The following GHR variants were observed in gnomAD, a reference collection of about 807,000 sequenced individuals.
GHR encodes the protein GH receptor.
GHR carries 35 observed loss-of-function variants against 67.1 expected under a neutral mutation model. The ratio of observed to expected loss-of-function variants is 0.52; its 90% CI spans 0.40 to 0.69. The LOEUF is 0.69. Among genes scored for constraint, GHR ranks in the 30% least tolerant of loss-of-function variants. GHR has a pLI of 0.00. For missense variants in GHR, 792 were observed against 764.6 expected (o/e 1.04, Z -0.42); for synonymous variants, 272 against 269.1 (o/e 1.01, Z -0.10).
intron 1 of GHR, among the ~76,000 whole-genome samples, chr5:42,487,348 T>C (rs914094253): frequency 2.6e-5 from 4 of 152,236 alleles, no homozygotes; most frequent in Non-Finnish European, 4.4e-5. Context: ...TGATAACACA[T>C]TGTCAATTGA....
At chr5:42,558,853 G>T (rs1749450497) in intron 1 of GHR, among the ~76,000 whole-genome samples, 1 of 152,096 alleles carries the variant, frequency 6.6e-6, no homozygotes, top group Non-Finnish European at 1.5e-5. Context: ...AGAAATATTT[G>T]TTTTAATAAT....
intron 1 of GHR, among the ~76,000 whole-genome samples, chr5:42,488,181 T>A (rs1001274629): frequency 1.3e-5 from 2 of 152,242 alleles, no homozygotes; most frequent in Non-Finnish European, 2.9e-5. Flanking sequence ...ATTATAGTAC[T>A]AAACTCATAA....
chr5:42,446,465 AG>A (rs1422224730), intron 1 of GHR, among the ~76,000 whole-genome samples: 1 of 152,226 alleles, frequency 6.6e-6, no homozygotes, highest in Non-Finnish European at 1.5e-5. Context: ...AAAAGTAGGC[AG>A]GGTTCTTATA....
intron 1 of GHR, among the ~76,000 whole-genome samples, chr5:42,445,116 C>G (rs1330498621): frequency 6.6e-6 from 1 of 152,200 alleles, no homozygotes; most frequent in African/African-American, 2.4e-5. Flanking sequence ...CATCGAAGAG[C>G]TATACATTGA....
chr5:42,546,659 G>A (rs185228699), intron 1 of GHR, among the ~76,000 whole-genome samples: 1 of 152,312 alleles, frequency 6.6e-6, no homozygotes, highest in African/African-American at 2.4e-5. Flanking sequence ...GTGCTAGGAA[G>A]GTCATTTAAA....
At chr5:42,680,725 G>A (rs1354013379) in intron 3 of GHR, among the ~76,000 whole-genome samples, 3 of 151,850 alleles carry the variant, frequency 2.0e-5, no homozygotes, top group East Asian at 1.9e-4. Context: ...GGCTGGCCTC[G>A]AACTCCTGGC....
chr5:42,605,307 T>C (rs1212789664), intron 2 of GHR, among the ~76,000 whole-genome samples: 1 of 151,876 alleles, frequency 6.6e-6, no homozygotes, highest in Non-Finnish European at 1.5e-5. Context: ...GGTTTCTCCA[T>C]GTTGGTCAGG....
intron 8 of GHR, among the ~76,000 whole-genome samples, chr5:42,714,484 T>G (rs1172946532): frequency 6.6e-6 from 1 of 152,210 alleles, no homozygotes; most frequent in African/African-American, 2.4e-5. Context: ...TGTAAGGTAG[T>G]ATAGCACTTG....
intron 1 of GHR, among the ~76,000 whole-genome samples, chr5:42,540,049 T>G (rs1019882194): frequency 2.5e-4 from 38 of 152,320 alleles, no homozygotes; most frequent in African/African-American, 9.1e-4. Flanking sequence ...ATGGTTTTTC[T>G]GCACATTCGA....
intron 2 of GHR, among the ~76,000 whole-genome samples, chr5:42,608,814 G>A (rs1277387457): frequency 6.6e-6 from 1 of 152,094 alleles, no homozygotes; most frequent in East Asian, 1.9e-4. Flanking sequence ...CCCAAATTCT[G>A]TCTTCACTTC....
intron 1 of GHR, chr5:42,467,162 G>A: frequency 1.7e-5 from 27 of 1,599,166 alleles, no homozygotes; most frequent in Non-Finnish European, 2.3e-5. Context: ...TGAATTCTCT[G>A]GTGGACAAAA....
intron 1 of GHR, among the ~76,000 whole-genome samples, chr5:42,479,736 C>T (rs78116273): frequency 0.17 from 26,426 of 152,036 alleles, 2,555 homozygotes; most frequent in Middle Eastern, 0.27. Context: ...GTGATATCCC[C>T]TTTATCATTT....
intron 3 of GHR, among the ~76,000 whole-genome samples, chr5:42,671,817 G>A (rs1453909092): frequency 2.0e-5 from 3 of 151,628 alleles, no homozygotes; most frequent in East Asian, 3.9e-4. Flanking sequence ...TTAGCCGGGC[G>A]TAGGGGCGGG....
At chr5:42,613,278 TTTG>T (rs1752975666) in intron 2 of GHR, among the ~76,000 whole-genome samples, 1 of 152,116 alleles carries the variant, frequency 6.6e-6, no homozygotes, top group Non-Finnish European at 1.5e-5. Context: ...CTAGTAATAC[TTTG>T]TTAATTCCAA....
intron 1 of GHR, among the ~76,000 whole-genome samples, chr5:42,478,056 T>G (rs1345140189): frequency 6.6e-6 from 1 of 152,122 alleles, no homozygotes; most frequent in Non-Finnish European, 1.5e-5. Context: ...GAATTAATTT[T>G]TGTATAAGGT....
chr5:42,699,029 T>C (rs1757806373), intron 5 of GHR, among the ~76,000 whole-genome samples: 1 of 152,218 alleles, frequency 6.6e-6, no homozygotes, highest in Non-Finnish European at 1.5e-5. Flanking sequence ...ATGTTTCAAG[T>C]TGTTCATGTG....
chr5:42,424,693 G>A lies in GHR; in HGVS notation c.-12+738G>A, dbSNP rs1742770118. 2.5e-6 allele frequency: 3 copies of A among 1,219,662 alleles called. No individual in the cohort carries two copies. The highest frequency in any genetic ancestry group is 2.6e-5 in the South Asian group (2 of 77,890). The allele number at this position is 1,219,662 out of a possible 1,614,324, so 75.6% of individuals were successfully genotyped here. A position where few individuals can be genotyped will look rare whatever the true frequency, so the allele number is the denominator to read the frequency against. On this transcript the variant is annotated intron_variant, in intron 1 of 9. Transcript: ENST00000230882. This position sits in a 1 kb window ranked among gnomAD's most constrained non-coding sequence, Gnocchi z 4.1. ...GCTTAAAGTTTTGACAGAACTGCCAGAGGCTGCGGGTCAATGGGGTGGCCG... is the reference window on the plus strand; with the variant it reads ...GCTTAAAGTTTTGACAGAACTGCCAAAGGCTGCGGGTCAATGGGGTGGCCG...
At chr5:42,502,588 C>G (rs1477854044) in intron 1 of GHR, among the ~76,000 whole-genome samples, 1 of 151,806 alleles carries the variant, frequency 6.6e-6, no homozygotes, top group African/African-American at 2.4e-5. Context: ...GTTCTTTAGT[C>G]AGAAAAATAT....
intron 1 of GHR, among the ~76,000 whole-genome samples, chr5:42,461,246 ATCT>A: frequency 6.6e-6 from 1 of 152,148 alleles, no homozygotes; most frequent in East Asian, 1.9e-4. Context: ...CCTAAACCCT[ATCT>A]GTTTACCACA....
Sources: gnomAD v4.1 joint callset for allele counts (sites outside exome capture counted in the v4.1 genomes callset) on GRCh38, gnomAD v4.1.1 for gene constraint, Gnocchi (gnomAD v3.1) non-coding constraint, MANE v1.5 for transcripts, NCBI Gene and HGNC (gene_info 2026-07-23, HGNC 2026-07-21) for gene names.